The following COL8A1 variants were observed in gnomAD, a reference collection of about 807,000 sequenced individuals.
The protein encoded by COL8A1 is collagen type VIII alpha 1 chain, also known as collagen alpha-1(VIII) chain.
Under a neutral mutation model 42.7 loss-of-function variants are expected in COL8A1, and 21 were observed. The observed-to-expected ratio is 0.49, with a 90% confidence interval of 0.35 to 0.71. COL8A1 has a LOEUF of 0.71. COL8A1 is among the 30% of genes least tolerant of loss of function. The pLI is 0.01. For synonymous variants in COL8A1, 367 were observed against 369.1 expected, an observed-to-expected ratio of 0.99 and a Z score of 0.06; for missense variants, 788 against 962.4, an observed-to-expected ratio of 0.82 and a Z score of 2.40.
At position 99,795,623 on chromosome 3, in the gene COL8A1, GC is replaced by G; in HGVS notation, c.1727del (p.Pro576LeufsTer20). 1 of 1,613,278 alleles carries G rather than the reference GC, an allele frequency of 6.2e-7. No individual in the cohort carries two copies. Among genetic ancestry groups the G allele is most frequent in the South Asian group, 1.1e-5 (1 of 91,022 alleles). On this transcript the variant is annotated frameshift_variant, in exon 4 of 4. Transcript: ENST00000652472. LOFTEE classifies it high-confidence loss of function. Reference protein sequence around the residue: ...PGPPGPPAVMPPTPPPQGEYL... With the variant: ...PGPPGPPAVMXPTPPPQGEYL... The stretch of plus-strand genomic sequence containing the variant: ...GACCTCCAGGACCCCCAGCTGTGAT[GC>G]CCCCTACACCACCACCCCAGGGAGA...
intron 2 of COL8A1, among the ~76,000 whole-genome samples, chr3:99,785,151 C>A (rs1370731135): frequency 6.6e-6 from 1 of 152,092 alleles, no homozygotes; most frequent in African/African-American, 2.4e-5. Context: ...TAAAAAGCAA[C>A]AAAATTGTAC....
chr3:99,710,676 C>T (rs1248186921), intron 1 of COL8A1, among the ~76,000 whole-genome samples: 1 of 152,186 alleles, frequency 6.6e-6, no homozygotes, highest in Non-Finnish European at 1.5e-5. Flanking sequence ...GGTGTGCTAA[C>T]ATGTGGACCA....
At chr3:99,789,372 T>C (rs989175748) in intron 2 of COL8A1, among the ~76,000 whole-genome samples, 4 of 152,148 alleles carry the variant, frequency 2.6e-5, no homozygotes, top group Non-Finnish European at 4.4e-5. Context: ...TTGTGAGAAA[T>C]TTGCCACTTC....
At chr3:99,738,283 TGGA>T (rs1940793276) in intron 1 of COL8A1, among the ~76,000 whole-genome samples, 1 of 152,250 alleles carries the variant, frequency 6.6e-6, no homozygotes, top group Non-Finnish European at 1.5e-5. Flanking sequence ...TGCGTTCCTT[TGGA>T]GGAGGAGAGG....
intron 1 of COL8A1, among the ~76,000 whole-genome samples, chr3:99,662,028 A>C (rs939535638): frequency 1.3e-5 from 2 of 152,184 alleles, no homozygotes; most frequent in East Asian, 3.8e-4. Flanking sequence ...AGAGTTCTGG[A>C]GCTTGGTTGC....
intron 1 of COL8A1, among the ~76,000 whole-genome samples, chr3:99,675,417 C>T (rs551591227): frequency 5.9e-5 from 9 of 152,054 alleles, no homozygotes; most frequent in South Asian, 4.1e-4. Flanking sequence ...TTGTTATGAG[C>T]GCCAGTGATG....
At chr3:99,776,946 A>T (rs1400200115) in intron 2 of COL8A1, among the ~76,000 whole-genome samples, 4 of 152,200 alleles carry the variant, frequency 2.6e-5, no homozygotes, top group Non-Finnish European at 4.4e-5. Flanking sequence ...AATGCATTAT[A>T]ACTAGCATGT....
chr3:99,777,113 T>A (rs146442561), intron 2 of COL8A1, among the ~76,000 whole-genome samples: 141 of 152,270 alleles, frequency 9.3e-4, no homozygotes, highest in African/African-American at 3.2e-3. Flanking sequence ...AAGAATGCCT[T>A]AACCTCCTGG....
chr3:99,736,510 G>A (rs1940720549), intron 1 of COL8A1, among the ~76,000 whole-genome samples: 1 of 152,128 alleles, frequency 6.6e-6, no homozygotes, highest in African/African-American at 2.4e-5. Flanking sequence ...TTCAGGAGCA[G>A]GTTGTTCAGT....
intron 2 of COL8A1, among the ~76,000 whole-genome samples, chr3:99,751,947 C>T (rs1363297002): frequency 6.6e-6 from 1 of 152,100 alleles, no homozygotes; most frequent in African/African-American, 2.4e-5. Context: ...TCTAAAGTTG[C>T]TGATATGCTG....
intron 2 of COL8A1, among the ~76,000 whole-genome samples, chr3:99,781,219 C>A (rs902196820): frequency 6.6e-6 from 1 of 152,110 alleles, no homozygotes; most frequent in African/African-American, 2.4e-5. Context: ...TGTTTTAGTT[C>A]TTTTATAATT....
chr3:99,768,151 T>G (rs1346015184), intron 2 of COL8A1, among the ~76,000 whole-genome samples: 3 of 152,240 alleles, frequency 2.0e-5, no homozygotes, highest in Non-Finnish European at 4.4e-5. Flanking sequence ...CCTACATTCC[T>G]GGATAAGGGG....
chr3:99,646,683 G>A (rs766772356), intron 1 of COL8A1, among the ~76,000 whole-genome samples: 11 of 152,118 alleles, frequency 7.2e-5, no homozygotes, highest in Non-Finnish European at 1.5e-4. Context: ...AACCTTCCAA[G>A]ATATAGCAAG....
chr3:99,787,895 C>T (rs960027184), intron 2 of COL8A1, among the ~76,000 whole-genome samples: 8 of 151,846 alleles, frequency 5.3e-5, no homozygotes, highest in African/African-American at 1.7e-4. Flanking sequence ...CACACACACA[C>T]ACCAGCTGTC....
chr3:99,671,594 C>G (rs1578797), intron 1 of COL8A1, among the ~76,000 whole-genome samples: 42,178 of 151,770 alleles, frequency 0.28, 7,051 homozygotes, highest in East Asian at 0.48. Context: ...TCTTCCCAGT[C>G]CCCCACCACC....
chr3:99,651,255 T>C (rs55690806), intron 1 of COL8A1, among the ~76,000 whole-genome samples: 9,598 of 152,258 alleles, frequency 0.063, 376 homozygotes, highest in East Asian at 0.22. Context: ...TGCTGAGACA[T>C]ACAATTGCTT....
chr3:99,658,336 A>T (rs1158263266), intron 1 of COL8A1, among the ~76,000 whole-genome samples: 1 of 151,938 alleles, frequency 6.6e-6, no homozygotes, highest in East Asian at 1.9e-4. Context: ...TTTATTTACA[A>T]TGTTTTGTTC....
At chr3:99,697,112 G>A (rs372042634) in intron 1 of COL8A1, among the ~76,000 whole-genome samples, 18 of 145,954 alleles carry the variant, frequency 1.2e-4, no homozygotes, top group South Asian at 2.2e-4. Context: ...TCAGCCTCCC[G>A]AGTAGCTGGG....
chr3:99,790,825 T>C lies in COL8A1; in HGVS notation c.143T>C (p.Ile48Thr). 6.2e-7 allele frequency: 1 copy of C among 1,614,194 alleles called. No individual in the cohort carries two copies. Among genetic ancestry groups the C allele is most frequent in the Non-Finnish European group, 8.5e-7 (1 of 1,180,030 alleles). The part of the protein sequence containing the change: ...PQIPPQMPPQ[I>T]PQYQPLGQQV... ...ATTCCTCCTCAGATGCCACCACAAA[T>C]TCCACAATACCAGCCCCTGGGTCAG... is the stretch of plus-strand genomic sequence containing the variant. Residue 48 changes from isoleucine (I) to threonine (T), a missense_variant, in exon 3 of 4, where the codon ATT becomes ACT. Transcript: ENST00000652472.
Sources: allele counts gnomAD v4.1 joint callset (sites outside exome capture counted in the v4.1 genomes callset), GRCh38; gene constraint gnomAD v4.1.1; transcripts MANE v1.5; gene names NCBI Gene and HGNC (gene_info 2026-07-23, HGNC 2026-07-21).